CCDC92: variants seen among roughly 807,000 people sequenced by gnomAD.
CCDC92 encodes the protein coiled-coil domain containing 92, also known as coiled-coil domain-containing protein 92.
CCDC92 carries 12 observed loss-of-function variants against 24.9 expected under a neutral mutation model. The observed-to-expected ratio is 0.48, with a 90% CI of 0.31 to 0.78. The LOEUF (loss-of-function observed/expected upper bound fraction) is 0.78. Ranked by LOEUF, CCDC92 falls within the 30% of genes least tolerant of loss-of-function variation. The pLI is 0.05. For synonymous variants in CCDC92, 193 were observed against 196.3 expected, an observed-to-expected ratio of 0.98 and a Z score of 0.14; for missense variants, 399 against 439.4, an observed-to-expected ratio of 0.91 and a Z score of 0.82.
At chr12:123,955,670 G>C (rs1956134009) in intron 1 of CCDC92, among the ~76,000 whole-genome samples, 2 of 151,984 alleles carry the variant, frequency 1.3e-5, no homozygotes, top group Non-Finnish European at 2.9e-5. Flanking sequence ...GTGGGGGGGA[G>C]ACAGGGTTTC....
intron 1 of CCDC92, among the ~76,000 whole-genome samples, chr12:123,955,450 C>T (rs778382308): frequency 9.2e-5 from 14 of 152,166 alleles, no homozygotes; most frequent in Non-Finnish European, 1.9e-4. Context: ...CGCTTGATGA[C>T]CACAATCTAA....
Position 123,943,499 on chromosome 12 carries a change from G to GGTA in CCDC92, c.35-9_35-7dup, listed in dbSNP as rs762330311. ...CATGCTGACATCCAGAGGACCTGTG[G>GGTA]GTAACACAGACCCTGGCTGCGGTGC... On this transcript the variant is annotated splice_region_variant and splice_polypyrimidine_tract_variant and intron_variant, in intron 2 of 4. Coordinates refer to ENST00000238156, the MANE Select transcript of CCDC92 (RefSeq NM_025140.3). 1 of 1,614,066 alleles carries GGTA rather than the reference G, an allele frequency of 6.2e-7. No homozygotes were observed. Among genetic ancestry groups the GGTA allele is most frequent in the South Asian group, 1.1e-5 (1 of 91,090 alleles).
intron 4 of CCDC92, among the ~76,000 whole-genome samples, chr12:123,940,739 C>T (rs2137888899): frequency 6.6e-6 from 1 of 152,352 alleles, no homozygotes; most frequent in African/African-American, 2.4e-5. Context: ...AGCGTCAGGG[C>T]ACTGCAACGC....
intron 1 of CCDC92, among the ~76,000 whole-genome samples, chr12:123,954,575 A>G (rs1956106475): frequency 1.3e-5 from 2 of 152,194 alleles, no homozygotes; most frequent in Non-Finnish European, 1.5e-5. Flanking sequence ...CGATTATCTC[A>G]TACTTTAAGA....
At chr12:123,960,470 G>A (rs940564438) in intron 1 of CCDC92, among the ~76,000 whole-genome samples, 1 of 152,178 alleles carries the variant, frequency 6.6e-6, no homozygotes, top group African/African-American at 2.4e-5. Flanking sequence ...TATCTTCTCT[G>A]GTGCAGCTTA....
At chr12:123,967,696 C>T (rs562326120) in intron 1 of CCDC92, among the ~76,000 whole-genome samples, 17 of 152,302 alleles carry the variant, frequency 1.1e-4, no homozygotes, top group Non-Finnish European at 2.5e-4. Context: ...TGCATTATAT[C>T]GAAGATGATC....
intron 1 of CCDC92, among the ~76,000 whole-genome samples, chr12:123,949,673 T>C (rs1406278443): frequency 6.6e-6 from 1 of 152,254 alleles, no homozygotes; most frequent in Non-Finnish European, 1.5e-5. Flanking sequence ...GCAAATCCAC[T>C]AGGTAAATTA....
chr12:123,937,579 T>A lies in CCDC92; in HGVS notation c.475A>T (p.Thr159Ser). The A allele has an allele frequency of 6.2e-7, 1 of 1,612,918 alleles. No homozygotes were observed. Among genetic ancestry groups the A allele is most frequent in the Non-Finnish European group, 8.5e-7 (1 of 1,179,948 alleles). The change falls in exon 5 of 5, where the codon ACC (threonine) becomes TCC (serine). Residue 159 changes from threonine to serine, a missense_variant. Coordinates refer to ENST00000238156, the MANE Select transcript of CCDC92 (RefSeq NM_025140.3). The surrounding 1 kb of genome is among the most constrained non-coding windows in gnomAD (Gnocchi z 8.4). Reference protein sequence around the residue: ...EQRASTIAYLTSQLHAAKKKL... With the variant: ...EQRASTIAYLSSQLHAAKKKL... The stretch of plus-strand genomic sequence containing the variant: ...TTCTTGGCGGCGTGCAGCTGGGAGG[T>A]CAGGTAGGCGATGGTGCTGGCCCGC...
intron 1 of CCDC92, chr12:123,944,666 T>G: frequency 4.9e-6 from 1 of 202,032 alleles, no homozygotes; most frequent in Non-Finnish European, 9.9e-6. Flanking sequence ...ACTTCAGACA[T>G]ACACTTTCAT....
At chr12:123,962,401 G>C (rs1956291628) in intron 1 of CCDC92, among the ~76,000 whole-genome samples, 1 of 152,142 alleles carries the variant, frequency 6.6e-6, no homozygotes, top group African/African-American at 2.4e-5. Flanking sequence ...CTAAATGTTT[G>C]CTTTTTAAAT....
At chr12:123,955,377 T>C (rs1041320127) in intron 1 of CCDC92, among the ~76,000 whole-genome samples, 1 of 152,214 alleles carries the variant, frequency 6.6e-6, no homozygotes, top group Non-Finnish European at 1.5e-5. Context: ...AACTAAAAGA[T>C]ACAGTGATCC....
In CCDC92 at chr12:123,950,755, T is replaced by TGGGA. The variant is rs1384937611; in HGVS notation, c.-59-6395_-59-6392dup. Among the ~76,000 whole-genome samples, 9 of 152,330 alleles carry TGGGA rather than the reference T, an allele frequency of 5.9e-5. No homozygotes were observed. In the South Asian group the frequency reaches 1.7e-3, roughly 28 times the overall value. ...CCAAAAACAGCTCTGATGTTACCCG[T>TGGGA]GGGAGGAACCAAGGCCAGACTTATC... On this transcript the variant is annotated intron_variant, in intron 1 of 4. Coordinates refer to ENST00000238156, the MANE Select transcript of CCDC92 (RefSeq NM_025140.3).
chr12:123,945,427 G>A (rs1955816087), intron 1 of CCDC92: 1 of 152,264 alleles, frequency 6.6e-6, no homozygotes, highest in East Asian at 1.9e-4. Flanking sequence ...CACAGCACGT[G>A]GTCTTGGGGG....
chr12:123,967,179 G>C (rs1028281829), intron 1 of CCDC92, among the ~76,000 whole-genome samples: 1 of 151,936 alleles, frequency 6.6e-6, no homozygotes, highest in Admixed American at 6.6e-5. Flanking sequence ...GAGAGCAATA[G>C]GGCATGTCAA....
intron 4 of CCDC92, among the ~76,000 whole-genome samples, chr12:123,940,434 C>T (rs1955649322): frequency 6.6e-6 from 1 of 152,160 alleles, no homozygotes; most frequent in Admixed American, 6.5e-5. Flanking sequence ...AGCCTTGGCT[C>T]CGGGCTGATG....
In CCDC92 at chr12:123,937,025, G is replaced by A. The variant is rs1955518139; in HGVS notation, c.*33C>T. The A allele has an allele frequency of 6.2e-7, 1 of 1,611,116 alleles. No homozygotes were observed. The highest frequency in any genetic ancestry group is 8.5e-7 in the Non-Finnish European group (1 of 1,178,846). On this transcript the variant is annotated 3_prime_UTR_variant, in exon 5 of 5. Coordinates refer to ENST00000238156, the MANE Select transcript of CCDC92 (RefSeq NM_025140.3). This position sits in a 1 kb window ranked among gnomAD's most constrained non-coding sequence, Gnocchi z 8.4. ...GAGATTTCCCAGTGGTGCTCACAGT[G>A]CATGGACAGCGCGGGGTGGGGCACG...
At chr12:123,939,956 C>T (rs554860976) in intron 4 of CCDC92, among the ~76,000 whole-genome samples, 1 of 152,368 alleles carries the variant, frequency 6.6e-6, no homozygotes, top group Admixed American at 6.5e-5. Flanking sequence ...TCAGCCCACA[C>T]TCGGGTGGAC....
chr12:123,954,601 C>A (rs1956107179), intron 1 of CCDC92, among the ~76,000 whole-genome samples: 1 of 152,214 alleles, frequency 6.6e-6, no homozygotes, highest in Admixed American at 6.5e-5. Context: ...TATTTGGCTT[C>A]TATTTAAAAA....
intron 1 of CCDC92, chr12:123,971,501 C>G (rs576254645): frequency 3.3e-5 from 5 of 151,568 alleles, no homozygotes; most frequent in Non-Finnish European, 7.4e-5. Context: ...TTTAAAATGG[C>G]AATCCTAGTT....
Sources: gnomAD v4.1 joint callset for allele counts (sites outside exome capture counted in the v4.1 genomes callset) on GRCh38, gnomAD v4.1.1 for gene constraint, Gnocchi (gnomAD v3.1) non-coding constraint, MANE v1.5 for transcripts, NCBI Gene and HGNC (gene_info 2026-07-23, HGNC 2026-07-21) for gene names.